Variants in SCHIP1 observed in about 807,000 individuals in gnomAD.
SCHIP1 encodes schwannomin-interacting protein 1.
In SCHIP1, 8 loss-of-function variants were observed where a neutral mutation model predicts 29.7. The ratio of observed to expected loss-of-function variants is 0.27; its 90% CI spans 0.16 to 0.49. SCHIP1 has a LOEUF of 0.49. SCHIP1 is among the 20% of genes least tolerant of loss of function. The pLI is 0.99. For missense variants in SCHIP1, 193 were observed against 294.6 expected (o/e 0.66, Z 2.52); for synonymous variants, 76 against 94.9 (o/e 0.80, Z 1.16).
At chr3:159,781,862 AC>A in the SCHIP1 span, among the ~76,000 whole-genome samples, 1 of 152,218 alleles carries the variant, frequency 6.6e-6, no homozygotes, top group Non-Finnish European at 1.5e-5. Flanking sequence ...TAGCCTTCAT[AC>A]CCTTGCCACT....
the SCHIP1 span, among the ~76,000 whole-genome samples, chr3:159,635,764 G>A: frequency 7.3e-4 from 111 of 152,222 alleles, 1 homozygote; most frequent in Admixed American, 6.4e-3. Flanking sequence ...AAAACATACC[G>A]AAACTTAGGT....
At chr3:159,595,552 C>G in the SCHIP1 span, among the ~76,000 whole-genome samples, 2 of 152,122 alleles carry the variant, frequency 1.3e-5, no homozygotes, top group South Asian at 4.1e-4. Flanking sequence ...TCCCAAAACA[C>G]AAGACAATGG....
chr3:159,446,122 G>A, the SCHIP1 span, among the ~76,000 whole-genome samples: 34 of 151,984 alleles, frequency 2.2e-4, no homozygotes, highest in Admixed American at 1.1e-3. Context: ...CCTTTAGGCC[G>A]GTGGTTTGCA....
chr3:159,760,305 A>C, the SCHIP1 span, among the ~76,000 whole-genome samples: 4 of 152,326 alleles, frequency 2.6e-5, no homozygotes, highest in Admixed American at 2.0e-4. Context: ...GAGCCTCTGC[A>C]GGGCAGACTG....
the SCHIP1 span, among the ~76,000 whole-genome samples, chr3:159,339,896 TC>T: frequency 2.0e-5 from 3 of 152,124 alleles, no homozygotes; most frequent in Non-Finnish European, 4.4e-5. Flanking sequence ...GTGTTGCATT[TC>T]CCAAGGTGCA....
At chr3:159,448,849 C>T in the SCHIP1 span, among the ~76,000 whole-genome samples, 1 of 152,104 alleles carries the variant, frequency 6.6e-6, no homozygotes, top group Non-Finnish European at 1.5e-5. Context: ...GGATGGATGC[C>T]CTTGGGAAGT....
At chr3:159,338,031 C>T in the SCHIP1 span, among the ~76,000 whole-genome samples, 1 of 152,114 alleles carries the variant, frequency 6.6e-6, no homozygotes, top group East Asian at 1.9e-4. Context: ...AGCATGGTTC[C>T]TTCCTTTCTA....
At chr3:159,463,631 A>G in the SCHIP1 span, among the ~76,000 whole-genome samples, 1 of 152,014 alleles carries the variant, frequency 6.6e-6, no homozygotes, top group Non-Finnish European at 1.5e-5. Context: ...ACAAGCTAAT[A>G]AAATATGTTC....
At chr3:159,854,515 C>T (rs967449688) in intron 1 of SCHIP1, among the ~76,000 whole-genome samples, 13 of 152,086 alleles carry the variant, frequency 8.5e-5, no homozygotes, top group African/African-American at 2.9e-4. Context: ...GCCATGTTGC[C>T]GTTTGTGTTT....
At chr3:159,560,224 G>A in the SCHIP1 span, among the ~76,000 whole-genome samples, 3 of 152,176 alleles carry the variant, frequency 2.0e-5, no homozygotes, top group African/African-American at 4.8e-5. Context: ...ATGTAAATAC[G>A]ATAACTACAT....
chr3:159,677,433 T>A, the SCHIP1 span, among the ~76,000 whole-genome samples: 1 of 151,816 alleles, frequency 6.6e-6, no homozygotes, highest in Non-Finnish European at 1.5e-5. Flanking sequence ...GAGAAGGGAG[T>A]TGGACTGCAG....
the SCHIP1 span, among the ~76,000 whole-genome samples, chr3:159,567,210 CTGT>C: frequency 4.6e-5 from 7 of 151,520 alleles, no homozygotes; most frequent in South Asian, 2.1e-4. Flanking sequence ...TCTTTTTTTC[CTGT>C]TGAAGTGAAA....
At chr3:159,775,041 C>T in the SCHIP1 span, among the ~76,000 whole-genome samples, 2 of 152,086 alleles carry the variant, frequency 1.3e-5, no homozygotes, top group East Asian at 3.9e-4. Flanking sequence ...GGGATATTAG[C>T]ATAGTAGACC....
chr3:159,631,037 A>C, the SCHIP1 span, among the ~76,000 whole-genome samples: 8 of 152,334 alleles, frequency 5.3e-5, no homozygotes, highest in South Asian at 1.7e-3. Context: ...ATATCTATCC[A>C]AAGAAAACAT....
the SCHIP1 span, among the ~76,000 whole-genome samples, chr3:159,512,200 G>A: frequency 9.0e-4 from 137 of 151,590 alleles, no homozygotes; most frequent in African/African-American, 3.2e-3. Flanking sequence ...AGGAGAGAGG[G>A]GAAATGACAA....
At chr3:159,408,827 A>G in the SCHIP1 span, among the ~76,000 whole-genome samples, 1 of 152,242 alleles carries the variant, frequency 6.6e-6, no homozygotes, top group South Asian at 2.1e-4. Context: ...AGACAAAGAC[A>G]CATCAAAGAA....
At chr3:159,779,509 A>G in the SCHIP1 span, among the ~76,000 whole-genome samples, 2 of 133,912 alleles carry the variant, frequency 1.5e-5, no homozygotes, top group African/African-American at 7.8e-5. Context: ...TCTCTACCAA[A>G]AAAAAAAAAA....
intron 4 of SCHIP1, chr3:159,888,521 A>T (rs534051277): frequency 3.7e-6 from 1 of 268,868 alleles, no homozygotes; most frequent in East Asian, 7.9e-5. Context: ...CATGTCATTG[A>T]TATTATTGAT....
the SCHIP1 span, among the ~76,000 whole-genome samples, chr3:159,746,001 G>T: frequency 6.6e-6 from 1 of 152,104 alleles, no homozygotes; most frequent in Non-Finnish European, 1.5e-5. Flanking sequence ...GGGCTGTGGG[G>T]GTAATTACAA....
Sources: gnomAD v4.1 joint callset for allele counts (sites outside exome capture counted in the v4.1 genomes callset) on GRCh38, gnomAD v4.1.1 for gene constraint, MANE v1.5 for transcripts, NCBI Gene and HGNC (gene_info 2026-07-23, HGNC 2026-07-21) for gene names.